Variants in SPOCK1 observed in about 807,000 individuals in gnomAD.
The protein encoded by SPOCK1 is SPARC (osteonectin), cwcv and kazal like domains proteoglycan 1.
A neutral mutation model predicts 55.3 loss-of-function variants in SPOCK1; 23 were observed. That is an observed-to-expected ratio of 0.42 (90% CI 0.30 to 0.59). SPOCK1 has a LOEUF of 0.59. Ranked by LOEUF, SPOCK1 falls within the 20% of genes least tolerant of loss-of-function variation. The pLI is 0.22. For synonymous variants in SPOCK1, 226 were observed against 221.0 expected, an observed-to-expected ratio of 1.02 and a Z score of -0.20; for missense variants, 499 against 552.5, an observed-to-expected ratio of 0.90 and a Z score of 0.97.
At chr5:137,223,504 G>C (rs1427214637) in intron 3 of SPOCK1, among the ~76,000 whole-genome samples, 1 of 152,038 alleles carries the variant, frequency 6.6e-6, no homozygotes, top group Non-Finnish European at 1.5e-5. Context: ...TACGTAGTTG[G>C]CTGTCTTAAT....
chr5:137,111,235 G>GCATGACAAGAA (rs1256146046), intron 5 of SPOCK1, among the ~76,000 whole-genome samples: 1 of 152,122 alleles, frequency 6.6e-6, no homozygotes, highest in East Asian at 1.9e-4. Context: ...TGCAGTGGGA[G>GCATGACAAGAA]CATGACAAGA....
chr5:137,139,038 A>G (rs1050035957), intron 4 of SPOCK1, among the ~76,000 whole-genome samples: 1 of 152,214 alleles, frequency 6.6e-6, no homozygotes, highest in African/African-American at 2.4e-5. Context: ...AATTTACAAA[A>G]TGGCTGAAAG....
Position 137,490,676 on chromosome 5 carries a change from A to C in SPOCK1, c.186+7697T>G, listed in dbSNP as rs116264868. Among the ~76,000 whole-genome samples the C allele has an allele frequency of 8.0e-3, 1,217 of 152,312 alleles. 12 individuals carry two copies. Among genetic ancestry groups the C allele is most frequent in the African/African-American group, 0.028 (1,143 of 41,560 alleles). On this transcript the variant is annotated intron_variant, in intron 2 of 10. Coordinates refer to ENST00000394945, the MANE Select transcript of SPOCK1 (RefSeq NM_004598.4). ...TTGCATAACGGGGCTCCCAAGAGCA[A>C]CCTTCGCATAACTTGGATTTCAGAC...
intron 3 of SPOCK1, among the ~76,000 whole-genome samples, chr5:137,160,544 T>G (rs1261311950): frequency 2.1e-5 from 1 of 47,340 alleles, no homozygotes; most frequent in Non-Finnish European, 3.7e-5. Context: ...ATATATAATA[T>G]ATATAATATA....
intron 2 of SPOCK1, among the ~76,000 whole-genome samples, chr5:137,452,060 C>A (rs1035832824): frequency 1.3e-5 from 2 of 152,168 alleles, no homozygotes. Context: ...CTTTGAGCAT[C>A]AGGTTGATGG....
intron 2 of SPOCK1, chr5:137,313,294 G>T: frequency 2.3e-6 from 1 of 433,010 alleles, no homozygotes; most frequent in Non-Finnish European, 3.1e-6. Context: ...TAGCCTTATT[G>T]ATAGGACACT....
At position 137,414,306 on chromosome 5, in the gene SPOCK1, C is replaced by A. The variant is rs1487531980; in HGVS notation, c.186+84067G>T. On this transcript the variant is annotated intron_variant, in intron 2 of 10. Transcript: ENST00000394945. Reference sequence around the variant, plus strand: ...TTTCTGAGTGGCAAAAGAGAGTGACCAGACATGCCTGTCCTTTGTCACTAA... The same window carrying A: ...TTTCTGAGTGGCAAAAGAGAGTGACAAGACATGCCTGTCCTTTGTCACTAA... Among the ~76,000 whole-genome samples, 4 of 152,144 alleles carry A rather than the reference C, an allele frequency of 2.6e-5. No homozygotes were observed. The South Asian group carries it at 6.2e-4, about 24-fold the overall frequency.
At chr5:137,257,405 C>T (rs1380605987) in intron 3 of SPOCK1, among the ~76,000 whole-genome samples, 1 of 152,074 alleles carries the variant, frequency 6.6e-6, no homozygotes. Flanking sequence ...TGATTAGTGC[C>T]ATTATCAAAG....
At chr5:137,262,648 C>T (rs1202522359) in intron 3 of SPOCK1, among the ~76,000 whole-genome samples, 1 of 152,232 alleles carries the variant, frequency 6.6e-6, no homozygotes, top group African/African-American at 2.4e-5. Flanking sequence ...GGAATGAACA[C>T]ATTAAGAGCC....
At chr5:137,392,625 T>C (rs1025212871) in intron 2 of SPOCK1, among the ~76,000 whole-genome samples, 3 of 152,178 alleles carry the variant, frequency 2.0e-5, no homozygotes, top group Non-Finnish European at 2.9e-5. Flanking sequence ...TATGCCTCTG[T>C]TTTCTTATCT....
intron 6 of SPOCK1, among the ~76,000 whole-genome samples, chr5:136,997,566 C>T (rs1267347541): frequency 6.6e-6 from 1 of 152,210 alleles, no homozygotes; most frequent in Non-Finnish European, 1.5e-5. Context: ...AGGACACACT[C>T]ACTGAAAAAC....
rs77252205 is a variant in SPOCK1, at chr5:137,429,053, A to G, written c.186+69320T>C. On this transcript the variant is annotated intron_variant, in intron 2 of 10. Coordinates refer to ENST00000394945, the MANE Select transcript of SPOCK1 (RefSeq NM_004598.4). ...AGTGGTTTCCCTTTATTCTTTGGAT[A>G]AATACCAAAATTTCCACATGGTTTT... 7.9e-3 allele frequency among the ~76,000 whole-genome samples: 1,206 copies of G among 152,360 alleles called. 12 individuals carry two copies. The highest frequency in any genetic ancestry group is 0.028 in the African/African-American group (1,153 of 41,578).
At chr5:137,233,403 G>A (rs1415639082) in intron 3 of SPOCK1, among the ~76,000 whole-genome samples, 20 of 152,100 alleles carry the variant, frequency 1.3e-4, no homozygotes, top group Admixed American at 1.2e-3. Flanking sequence ...TTCACAACAG[G>A]GTTCATGTGC....
At chr5:137,433,080 T>A in intron 2 of SPOCK1, among the ~76,000 whole-genome samples, 1 of 152,334 alleles carries the variant, frequency 6.6e-6, no homozygotes, top group South Asian at 2.1e-4. Context: ...CACTACAAGG[T>A]AAGATGTAGC....
chr5:137,008,785 T>C (rs901364318), intron 6 of SPOCK1, among the ~76,000 whole-genome samples: 1 of 152,096 alleles, frequency 6.6e-6, no homozygotes, highest in African/African-American at 2.4e-5. Flanking sequence ...AATATAATAT[T>C]GAACATATTT....
chr5:137,236,866 AG>A (rs1756191418), intron 3 of SPOCK1, among the ~76,000 whole-genome samples: 1 of 152,210 alleles, frequency 6.6e-6, no homozygotes, highest in Non-Finnish European at 1.5e-5. Context: ...AATATAATGA[AG>A]AGCTCATTTC....
chr5:137,151,543 A>G (rs779148479), intron 3 of SPOCK1, among the ~76,000 whole-genome samples: 1 of 152,218 alleles, frequency 6.6e-6, no homozygotes, highest in Non-Finnish European at 1.5e-5. Context: ...GTACTGTTAC[A>G]TAAGATGGAA....
intron 2 of SPOCK1, among the ~76,000 whole-genome samples, chr5:137,397,814 C>A (rs1303038145): frequency 6.6e-6 from 1 of 152,190 alleles, no homozygotes; most frequent in African/African-American, 2.4e-5. Context: ...CTCACATATT[C>A]AAGATTCAGC....
intron 3 of SPOCK1, among the ~76,000 whole-genome samples, chr5:137,255,635 C>T (rs574173949): frequency 1.3e-5 from 2 of 152,216 alleles, no homozygotes; most frequent in Admixed American, 1.3e-4. Flanking sequence ...CAAGTAAGTT[C>T]CTGCAGGGAA....
Sources: gnomAD v4.1 joint callset for allele counts (sites outside exome capture counted in the v4.1 genomes callset) on GRCh38, gnomAD v4.1.1 for gene constraint, MANE v1.5 for transcripts, NCBI Gene and HGNC (gene_info 2026-07-23, HGNC 2026-07-21) for gene names.